DLG2: variants seen among roughly 807,000 people sequenced by gnomAD.
The protein encoded by DLG2 is disks large homolog 2.
In DLG2, 45 loss-of-function variants were observed where a neutral mutation model predicts 132.5. The observed-to-expected ratio is 0.34, with a 90% CI of 0.27 to 0.44. The LOEUF is 0.44. Among genes scored for constraint, DLG2 ranks in the 20% least tolerant of loss-of-function variants. DLG2 has a pLI of 1.00. For missense variants in DLG2, 1,045 were observed against 1,196.9 expected (o/e 0.87, Z 1.87); for synonymous variants, 424 against 419.6 (o/e 1.01, Z -0.13).
At chr11:84,490,854 A>G (rs2099163157) in intron 7 of DLG2, among the ~76,000 whole-genome samples, 1 of 151,462 alleles carries the variant, frequency 6.6e-6, no homozygotes, top group Non-Finnish European at 1.5e-5. Flanking sequence ...ATGACAACTA[A>G]AAAATCCCAT....
chr11:83,903,475 T>A (rs2073995433), intron 15 of DLG2, among the ~76,000 whole-genome samples: 1 of 152,162 alleles, frequency 6.6e-6, no homozygotes, highest in Admixed American at 6.6e-5. Context: ...TAGTATTAAT[T>A]GATTCTCAGT....
At chr11:84,160,775 G>T (rs2095529196) in intron 9 of DLG2, among the ~76,000 whole-genome samples, 1 of 152,196 alleles carries the variant, frequency 6.6e-6, no homozygotes, top group Non-Finnish European at 1.5e-5. Flanking sequence ...CAAGTAAAAA[G>T]TTGGTCTTAG....
At chr11:85,495,580 G>T (rs562360057) in intron 3 of DLG2, among the ~76,000 whole-genome samples, 46 of 152,284 alleles carry the variant, frequency 3.0e-4, no homozygotes, top group African/African-American at 1.1e-3. Context: ...ACCACAATGA[G>T]ATACCATCTC....
intron 6 of DLG2, among the ~76,000 whole-genome samples, chr11:84,561,689 T>C (rs780360344): frequency 1.7e-4 from 26 of 152,176 alleles, no homozygotes; most frequent in Non-Finnish European, 3.8e-4. Flanking sequence ...TCTTATAATC[T>C]ATAGCAAGAA....
chr11:84,822,324 C>T (rs1287870597), intron 6 of DLG2, among the ~76,000 whole-genome samples: 3 of 151,858 alleles, frequency 2.0e-5, no homozygotes, highest in East Asian at 3.9e-4. Flanking sequence ...TTTAAGGTAA[C>T]TGAAATGACT....
At chr11:83,608,340 TG>T (rs1372584439) in intron 19 of DLG2, among the ~76,000 whole-genome samples, 1 of 151,886 alleles carries the variant, frequency 6.6e-6, no homozygotes, top group Non-Finnish European at 1.5e-5. Context: ...GGGCCAGTAA[TG>T]TTTTAGATTT....
intron 7 of DLG2, among the ~76,000 whole-genome samples, chr11:84,308,224 G>C (rs1024053061): frequency 2.6e-5 from 4 of 152,204 alleles, no homozygotes; most frequent in African/African-American, 7.2e-5. Context: ...CAATCCCTGA[G>C]CTAGACACAA....
At chr11:84,434,161 G>T (rs1310090023) in intron 7 of DLG2, among the ~76,000 whole-genome samples, 1 of 151,202 alleles carries the variant, frequency 6.6e-6, no homozygotes, top group Non-Finnish European at 1.5e-5. Flanking sequence ...AAACAAGTTT[G>T]CTACACTTAA....
chr11:84,025,328 G>C (rs942451597), intron 11 of DLG2, among the ~76,000 whole-genome samples: 3 of 152,058 alleles, frequency 2.0e-5, no homozygotes, highest in Admixed American at 6.6e-5. Context: ...AAAACTACTA[G>C]ATCTCTTGAG....
At chr11:84,455,672 T>C in intron 7 of DLG2, among the ~76,000 whole-genome samples, 1 of 151,374 alleles carries the variant, frequency 6.6e-6, no homozygotes, top group East Asian at 1.9e-4. Context: ...GGATCATACA[T>C]ACAACACATA....
chr11:84,590,645 T>C (rs1001940775), intron 6 of DLG2, among the ~76,000 whole-genome samples: 1 of 152,148 alleles, frequency 6.6e-6, no homozygotes, highest in African/African-American at 2.4e-5. Flanking sequence ...AAGTCAATGG[T>C]AAAGTGCTAT....
chr11:83,553,096 G>T (rs1443655492), intron 19 of DLG2, among the ~76,000 whole-genome samples: 5 of 152,102 alleles, frequency 3.3e-5, no homozygotes, highest in African/African-American at 1.2e-4. Context: ...AAGAGGAAAA[G>T]GTGCTCACAA....
intron 8 of DLG2, among the ~76,000 whole-genome samples, chr11:84,242,982 G>A (rs139194058): frequency 9.1e-6 from 1 of 109,556 alleles, no homozygotes; most frequent in African/African-American, 3.9e-5. Flanking sequence ...TAGTTTTGAT[G>A]ATTAATTAGG....
intron 6 of DLG2, among the ~76,000 whole-genome samples, chr11:84,924,629 G>A (rs1012200399): frequency 1.3e-5 from 2 of 152,190 alleles, no homozygotes; most frequent in African/African-American, 2.4e-5. Context: ...TTAATGACAA[G>A]CATTCAGAAA....
chr11:84,705,247 A>C (rs1482141818), intron 6 of DLG2, among the ~76,000 whole-genome samples: 1 of 151,696 alleles, frequency 6.6e-6, no homozygotes, highest in Non-Finnish European at 1.5e-5. Context: ...CCCCCTACAC[A>C]TAGGGGAATT....
intron 11 of DLG2, among the ~76,000 whole-genome samples, chr11:84,000,348 G>A (rs779911022): frequency 2.6e-5 from 4 of 151,968 alleles, no homozygotes; most frequent in Non-Finnish European, 4.4e-5. Flanking sequence ...AAGAGAATGA[G>A]CAAAGCCTTC....
At chr11:85,388,689 A>G (rs904666161) in intron 3 of DLG2, among the ~76,000 whole-genome samples, 1 of 152,216 alleles carries the variant, frequency 6.6e-6, no homozygotes, top group African/African-American at 2.4e-5. Context: ...TGCAGACACT[A>G]CCCAGTACCA....
chr11:83,554,947 C>T (rs913821564), intron 19 of DLG2, among the ~76,000 whole-genome samples: 20 of 152,188 alleles, frequency 1.3e-4, no homozygotes, highest in Non-Finnish European at 2.1e-4. Flanking sequence ...AAACAAGGCA[C>T]TTTTGGAATT....
chr11:85,465,781 T>C (rs1409982984), intron 3 of DLG2, among the ~76,000 whole-genome samples: 4 of 152,094 alleles, frequency 2.6e-5, no homozygotes, highest in Non-Finnish European at 5.9e-5. Context: ...TGCATGTGTC[T>C]TTATAGCAGC....
Sources: gnomAD v4.1 joint callset for allele counts (sites outside exome capture counted in the v4.1 genomes callset) on GRCh38, gnomAD v4.1.1 for gene constraint, MANE v1.5 for transcripts, NCBI Gene and HGNC (gene_info 2026-07-23, HGNC 2026-07-21) for gene names.